The following GNAL variants were observed in gnomAD, a reference collection of about 807,000 sequenced individuals.
GNAL encodes the protein guanine nucleotide-binding protein G(olf) subunit alpha.
Under a neutral mutation model 55.1 loss-of-function variants are expected in GNAL, and 18 were observed. The ratio of observed to expected loss-of-function variants is 0.33; its 90% CI spans 0.23 to 0.48. The LOEUF is 0.48. Ranked by LOEUF, GNAL falls within the 20% of genes least tolerant of loss-of-function variation. The pLI is 0.99. For missense variants in GNAL, 412 were observed against 614.1 expected (o/e 0.67, Z 3.48); for synonymous variants, 253 against 237.0 (o/e 1.07, Z -0.62).
chr18:11,861,062 C>T (rs866927901), intron 5 of GNAL, among the ~76,000 whole-genome samples: 8 of 152,166 alleles, frequency 5.3e-5, no homozygotes, highest in Admixed American at 3.3e-4. Context: ...GAGGCAACAT[C>T]GCCTCCTCTG....
At chr18:11,855,597 C>T (rs1437938659) in intron 5 of GNAL, among the ~76,000 whole-genome samples, 2 of 152,100 alleles carry the variant, frequency 1.3e-5, no homozygotes, top group African/African-American at 4.8e-5. Context: ...TGAAGGAATG[C>T]CAATGTATCT....
intron 4 of GNAL, among the ~76,000 whole-genome samples, chr18:11,818,038 G>A (rs1013656123): frequency 1.9e-4 from 29 of 150,436 alleles, no homozygotes; most frequent in African/African-American, 5.9e-4. Context: ...CCTGGCCAAT[G>A]TGGCAAAACC....
chr18:11,721,449 A>T (rs895429596), intron 1 of GNAL, among the ~76,000 whole-genome samples: 1 of 152,038 alleles, frequency 6.6e-6, no homozygotes, highest in Non-Finnish European at 1.5e-5. Flanking sequence ...TGTTTCCTTA[A>T]TGCCTTTGAA....
At chr18:11,769,723 A>G (rs1366114280) in intron 4 of GNAL, among the ~76,000 whole-genome samples, 1 of 152,246 alleles carries the variant, frequency 6.6e-6, no homozygotes, top group Non-Finnish European at 1.5e-5. Flanking sequence ...AAAAAGATAA[A>G]CAAATGTTGG....
chr18:11,885,057 T>C lies in GNAL; in HGVS notation c.*3922T>C. The C allele has an allele frequency of 7.7e-7, 1 of 1,291,166 alleles. No homozygotes were observed. Among genetic ancestry groups the C allele is most frequent in the Non-Finnish European group, 1.0e-6 (1 of 990,504 alleles). The allele number at this position is 1,291,166 out of a possible 1,614,324, so 80.0% of individuals were successfully genotyped here. On this transcript the variant is annotated 3_prime_UTR_variant, in exon 12 of 12. Transcript: ENST00000334049. The stretch of plus-strand genomic sequence containing the variant: ...AGCATCTGTTCCCTAGAAATACATG[T>C]GTCCAGGTCGTCTCCATGGGCTTTT...
intron 1 of GNAL, among the ~76,000 whole-genome samples, chr18:11,727,918 C>T (rs1050429071): frequency 1.3e-5 from 2 of 152,144 alleles, no homozygotes; most frequent in Non-Finnish European, 2.9e-5. Flanking sequence ...TTTGTGGCAA[C>T]AGAAGGCAGT....
chr18:11,794,030 A>T (rs1047731322), intron 4 of GNAL, among the ~76,000 whole-genome samples: 1 of 152,200 alleles, frequency 6.6e-6, no homozygotes, highest in Non-Finnish European at 1.5e-5. Context: ...GGCAACACAA[A>T]TCAAAACCAC....
intron 1 of GNAL, chr18:11,747,463 A>G (rs1025738920): frequency 1.2e-5 from 2 of 162,184 alleles, no homozygotes; most frequent in Non-Finnish European, 2.7e-5. Flanking sequence ...CTTGAATGCC[A>G]CTACCCAGGC....
At chr18:11,782,308 C>T (rs1355575813) in intron 4 of GNAL, among the ~76,000 whole-genome samples, 1 of 152,054 alleles carries the variant, frequency 6.6e-6, no homozygotes, top group Non-Finnish European at 1.5e-5. Flanking sequence ...CAGAGCTAGA[C>T]TCCGTCTCAA....
chr18:11,841,455 G>A (rs1318114424), intron 5 of GNAL, among the ~76,000 whole-genome samples: 1 of 151,918 alleles, frequency 6.6e-6, no homozygotes, highest in African/African-American at 2.4e-5. Context: ...AGACCAGCCT[G>A]GCCAAAATGG....
chr18:11,716,904 G>C (rs897999769), intron 1 of GNAL, among the ~76,000 whole-genome samples: 4 of 152,230 alleles, frequency 2.6e-5, no homozygotes, highest in Admixed American at 2.6e-4. Flanking sequence ...CCCGCACGGG[G>C]GCTGCAGGTG....
intron 4 of GNAL, among the ~76,000 whole-genome samples, chr18:11,793,258 T>C (rs2034285539): frequency 1.3e-5 from 2 of 152,176 alleles, no homozygotes; most frequent in Admixed American, 6.5e-5. Context: ...GTGTATCTGA[T>C]AAGGGTCTAG....
chr18:11,703,792 T>C (rs1249815226), intron 1 of GNAL, among the ~76,000 whole-genome samples: 1 of 106,600 alleles, frequency 9.4e-6, no homozygotes, highest in Non-Finnish European at 1.8e-5. Context: ...CCAGTGTTGA[T>C]GGGCACACAC....
chr18:11,857,757 A>G (rs922527577), intron 5 of GNAL: 1 of 984,222 alleles, frequency 1.0e-6, no homozygotes, highest in African/African-American at 1.7e-5. Context: ...CTGGCTGTGC[A>G]TTACAACTGC....
At chr18:11,728,558 C>T (rs545867355) in intron 1 of GNAL, among the ~76,000 whole-genome samples, 12 of 152,238 alleles carry the variant, frequency 7.9e-5, no homozygotes, top group Middle Eastern at 6.8e-3. Flanking sequence ...ACAACTCAGG[C>T]GGGAGCTTAG....
intron 11 of GNAL, among the ~76,000 whole-genome samples, chr18:11,878,621 G>A (rs540439726): frequency 6.6e-6 from 1 of 152,200 alleles, no homozygotes; most frequent in African/African-American, 2.4e-5. Flanking sequence ...GCTGCCTGGA[G>A]TGCAGTGGCA....
At chr18:11,853,632 AGT>A (rs2035934220) in intron 5 of GNAL, 1 of 167,092 alleles carries the variant, frequency 6.0e-6, no homozygotes, top group South Asian at 2.1e-4. Context: ...GGAAAAAAAA[AGT>A]GTAACAGGTG....
chr18:11,861,242 C>G, intron 5 of GNAL, among the ~76,000 whole-genome samples: 1 of 152,126 alleles, frequency 6.6e-6, no homozygotes, highest in East Asian at 1.9e-4. Context: ...TGGGCCCCCC[C>G]GACCCCTCCC....
chr18:11,853,256 G>A (rs79296340), intron 5 of GNAL: 1 of 167,142 alleles, frequency 6.0e-6, no homozygotes, highest in African/African-American at 2.4e-5. Flanking sequence ...GGAAATCTGA[G>A]AAGTAAAGAG....
Sources: allele counts gnomAD v4.1 joint callset (sites outside exome capture counted in the v4.1 genomes callset), GRCh38; gene constraint gnomAD v4.1.1; transcripts MANE v1.5; gene names NCBI Gene and HGNC (gene_info 2026-07-23, HGNC 2026-07-21).